The following YIPF7 variants were observed in gnomAD, a reference collection of about 807,000 sequenced individuals.
YIPF7 encodes the protein protein YIPF7.
In YIPF7, 35 loss-of-function variants were observed where a neutral mutation model predicts 27.2. The observed-to-expected ratio is 1.29, with a 90% CI of 0.98 to 1.70. YIPF7 has a LOEUF of 1.70. Ranked by LOEUF, YIPF7 falls within the 40% of genes most tolerant of loss-of-function variation. YIPF7 has a pLI of 0.00. For synonymous variants in YIPF7, 137 were observed against 110.4 expected, an observed-to-expected ratio of 1.24 and a Z score of -1.51; for missense variants, 358 against 303.7, an observed-to-expected ratio of 1.18 and a Z score of -1.33.
At chr4:44,646,295 A>G (rs1713523774) in intron 2 of YIPF7, among the ~76,000 whole-genome samples, 1 of 152,220 alleles carries the variant, frequency 6.6e-6, no homozygotes, top group South Asian at 2.1e-4. Context: ...AGCATGAGTC[A>G]GGGAGTGGTA....
chr4:44,637,967 C>A lies in YIPF7; in HGVS notation c.117-1882G>T, dbSNP rs539691185. Among the ~76,000 whole-genome samples, 42 of 152,188 alleles carry A rather than the reference C, an allele frequency of 2.8e-4. No homozygotes were observed. The South Asian group carries it at 8.1e-3, about 29-fold the overall frequency. On this transcript the variant is annotated intron_variant, in intron 2 of 5. Transcript: ENST00000415895. The stretch of plus-strand genomic sequence containing the variant: ...AATAGTATTCAAAAGTGACTAATAT[C>A]CAGAATCCACAAGGAACTCAAACAA...
At chr4:44,627,966 GC>G (rs1281889064) in intron 4 of YIPF7, among the ~76,000 whole-genome samples, 1 of 152,152 alleles carries the variant, frequency 6.6e-6, no homozygotes, top group Non-Finnish European at 1.5e-5. Context: ...TGGAATTGAT[GC>G]TGTTCTTTAA....
upstream of YIPF7, among the ~76,000 whole-genome samples, chr4:44,655,027 T>C (rs1474903278): frequency 6.6e-6 from 1 of 152,004 alleles, no homozygotes; most frequent in Non-Finnish European, 1.5e-5. Flanking sequence ...TAGGAATCAA[T>C]AGGAATTTCC....
At chr4:44,627,854 T>C (rs546420861) in intron 4 of YIPF7, among the ~76,000 whole-genome samples, 1 of 152,142 alleles carries the variant, frequency 6.6e-6, no homozygotes, top group South Asian at 2.1e-4. Flanking sequence ...ATTTTCTCGC[T>C]TCCAGTTAAG....
At chr4:44,624,014 G>A (rs1454364544) in intron 5 of YIPF7, among the ~76,000 whole-genome samples, 6 of 149,798 alleles carry the variant, frequency 4.0e-5, no homozygotes, top group Admixed American at 4.0e-4. Flanking sequence ...AGTTCACATT[G>A]AAAAATCTGA....
chr4:44,646,743 A>G lies in YIPF7; in HGVS notation c.116+3242T>C, dbSNP rs964540445. Among the ~76,000 whole-genome samples, 13 of 152,256 alleles carry G rather than the reference A, an allele frequency of 8.5e-5. No individual in the cohort carries two copies. In the East Asian group the frequency reaches 2.5e-3, roughly 29 times the overall value. On this transcript the variant is annotated intron_variant, in intron 2 of 5. Coordinates refer to ENST00000415895, the MANE Select transcript of YIPF7 (RefSeq NM_182592.3). ...AGTCACCCAGCTTTCAGATCAATAC[A>G]CCATTGAGCCAAACAGGCTTTTTAA...
chr4:44,650,494 T>TGCGC (rs72183782), intron 1 of YIPF7, among the ~76,000 whole-genome samples: 14 of 133,684 alleles, frequency 1.0e-4, no homozygotes, highest in Admixed American at 2.9e-4. Flanking sequence ...CGCACACACA[T>TGCGC]GCGCGCGCGC....
chr4:44,646,372 C>T (rs1408764092), intron 2 of YIPF7, among the ~76,000 whole-genome samples: 1 of 152,092 alleles, frequency 6.6e-6, no homozygotes, highest in East Asian at 1.9e-4. Context: ...ACAGTAATGC[C>T]TTAACTGTGT....
intron 2 of YIPF7, among the ~76,000 whole-genome samples, chr4:44,639,796 T>G (rs1395823850): frequency 6.6e-6 from 1 of 152,202 alleles, no homozygotes; most frequent in Non-Finnish European, 1.5e-5. Flanking sequence ...TGCTTTCAAC[T>G]TTTCACATTC....
chr4:44,638,830 G>A (rs1713225938), intron 2 of YIPF7, among the ~76,000 whole-genome samples: 2 of 152,190 alleles, frequency 1.3e-5, no homozygotes, highest in East Asian at 1.9e-4. Context: ...AAGGTTTTAT[G>A]TTTAAGTCTT....
intron 2 of YIPF7, among the ~76,000 whole-genome samples, chr4:44,638,917 A>T (rs1577738264): frequency 6.6e-6 from 1 of 152,266 alleles, no homozygotes; most frequent in East Asian, 1.9e-4. Context: ...TGGCAATCCA[A>T]TTGTCCCAGC....
intron 2 of YIPF7, among the ~76,000 whole-genome samples, chr4:44,645,405 A>G (rs1713493118): frequency 6.6e-6 from 1 of 152,148 alleles, no homozygotes; most frequent in Non-Finnish European, 1.5e-5. Flanking sequence ...ATGGATCTGG[A>G]CACTTCACTA....
chr4:44,626,514 G>A (rs1014147912), intron 4 of YIPF7, among the ~76,000 whole-genome samples: 2 of 152,154 alleles, frequency 1.3e-5, no homozygotes, highest in Middle Eastern at 3.2e-3. Context: ...GGCAAATAGG[G>A]AGTAGATGAA....
At chr4:44,631,205 T>C (rs1353085843) in intron 3 of YIPF7, among the ~76,000 whole-genome samples, 2 of 152,212 alleles carry the variant, frequency 1.3e-5, no homozygotes, top group Non-Finnish European at 2.9e-5. Flanking sequence ...TGTTTAACCA[T>C]AGATTTGTGG....
At chr4:44,624,514 T>C (rs1220142365) in intron 5 of YIPF7, 87 bp downstream of exon 5, 2 of 1,389,328 alleles carry the variant, frequency 1.4e-6, no homozygotes, top group Non-Finnish European at 1.9e-6. Flanking sequence ...ACCAAAACAA[T>C]CAGGAAGGGC....
At chr4:44,650,500 C>CGT (rs1231820597) in intron 1 of YIPF7, among the ~76,000 whole-genome samples, 5 of 69,298 alleles carry the variant, frequency 7.2e-5, no homozygotes, top group Non-Finnish European at 1.3e-4. Context: ...CACATGCGCG[C>CGT]GCGCGCGCAC....
At chr4:44,641,397 G>C (rs1275469601) in intron 2 of YIPF7, among the ~76,000 whole-genome samples, 1 of 152,084 alleles carries the variant, frequency 6.6e-6, no homozygotes, top group Non-Finnish European at 1.5e-5. Context: ...ACTTTGCCAA[G>C]CCATAATACC....
At chr4:44,623,921 A>C (rs1027135976) in intron 5 of YIPF7, among the ~76,000 whole-genome samples, 2 of 152,208 alleles carry the variant, frequency 1.3e-5, no homozygotes, top group Non-Finnish European at 2.9e-5. Flanking sequence ...AAGCTGAAGC[A>C]ATTTATCAGT....
intron 1 of YIPF7, among the ~76,000 whole-genome samples, chr4:44,660,944 G>A (rs1414933843): frequency 6.6e-6 from 1 of 152,074 alleles, no homozygotes; most frequent in Non-Finnish European, 1.5e-5. Flanking sequence ...AATAGACAAG[G>A]GAACTTTCCA....
Sources: allele counts gnomAD v4.1 joint callset (sites outside exome capture counted in the v4.1 genomes callset), GRCh38; gene constraint gnomAD v4.1.1; transcripts MANE v1.5; gene names NCBI Gene and HGNC (gene_info 2026-07-23, HGNC 2026-07-21).